CYP27B1: variants seen among roughly 807,000 people sequenced by gnomAD.
CYP27B1 encodes cytochrome P450 family 27 subfamily B member 1, also known as 25-hydroxyvitamin D-1 alpha hydroxylase, mitochondrial.
A neutral mutation model predicts 54.8 loss-of-function variants in CYP27B1; 46 were observed. The observed-to-expected ratio is 0.84, with a 90% CI of 0.66 to 1.07. The LOEUF (loss-of-function observed/expected upper bound fraction) is 1.07. Ranked by LOEUF, CYP27B1 falls within the 50% of genes least tolerant of loss-of-function variation. The probability of loss-of-function intolerance (pLI) is 0.00; values close to 1 mark genes in which losing one functional copy is unlikely to be tolerated. For missense variants in CYP27B1, 674 were observed against 692.2 expected (o/e 0.97, Z 0.30); for synonymous variants, 292 against 297.3 (o/e 0.98, Z 0.18).
rs886049728 is a variant in CYP27B1 at position 57,765,449 on chromosome 12, A to T, written c.437T>A (p.Leu146His). 3.1e-6 allele frequency: 5 copies of T among 1,612,932 alleles called. No individual in the cohort carries two copies. In the South Asian group the frequency reaches 5.5e-5, roughly 18 times the overall value. The stretch of plus-strand genomic sequence containing the variant: ...GTAGCGGGCGGCCGCTTGAGGCCGG[A>T]GGAGGAGCGGGGCCAGGAGACTGCG... ...RLRSLLAPLL[L>H]RPQAAARYAG... The change falls in exon 3 of 9, where the codon CTC (leucine) becomes CAC (histidine). Residue 146 changes from leucine to histidine, a missense_variant. Leu to His is a moderately conservative substitution (Grantham distance 99). Coordinates refer to ENST00000228606, the MANE Select transcript of CYP27B1 (RefSeq NM_000785.4). The surrounding 1 kb of genome is among the most constrained non-coding windows in gnomAD (Gnocchi z 5.8).
Position 57,767,059 on chromosome 12 carries a change from T to C in CYP27B1, c.-18A>G, listed in dbSNP as rs1008590639. 1.2e-6 allele frequency: 2 copies of C among 1,613,296 alleles called. No homozygotes were observed. The highest frequency in any genetic ancestry group is 1.7e-5 in the Admixed American group (1 of 60,022). On this transcript the variant is annotated 5_prime_UTR_variant, in exon 1 of 9. Transcript: ENST00000228606. ...TGGGTCATGGTCTGGTTCAGGGTGC[T>C]CGCGAAAGAAAGCGCTTCTCCTGAG...
rs745757851 is a variant in CYP27B1, at chr12:57,764,511, G to A, written c.1003C>T (p.Arg335Trp). ...AGTGCTGTCTGGACTTCGGGGTGCCGGGAGAGCTCATACAGAGCCCAAGAG... is the reference window on the plus strand; with the variant it reads ...AGTGCTGTCTGGACTTCGGGGTGCCAGGAGAGCTCATACAGAGCCCAAGAG... ...TLSWALYELS[R>W]HPEVQTALHS... Residue 335 changes from arginine (R) to tryptophan (W), a missense_variant, in exon 6 of 9, where the codon CGG becomes TGG. Physicochemically the swap from Arg to Trp is moderately radical, Grantham distance 101. Transcript: ENST00000228606. 6.8e-6 allele frequency: 11 copies of A among 1,613,990 alleles called. No homozygotes were observed. The highest frequency in any genetic ancestry group is 3.3e-5 in the Admixed American group (2 of 60,004).
chr12:57,765,121 G>A lies in CYP27B1; in HGVS notation c.680C>T (p.Ser227Leu). Residue 227 changes from serine to leucine, a missense_variant, in exon 4 of 9, where the codon TCG (serine) becomes TTG (leucine). Ser to Leu is a moderately radical substitution (Grantham distance 145). Coordinates refer to ENST00000228606, the MANE Select transcript of CYP27B1 (RefSeq NM_000785.4). The surrounding 1 kb of genome is among the most constrained non-coding windows in gnomAD (Gnocchi z 5.8). ...GGTCAACAGCGTGGACACAAACACC[G>A]AGCCCACAGCGCGGATGAAGGTCTC... ...DTETFIRAVG[S>L]VFVSTLLTMA... 1 of 1,613,968 alleles carries A rather than the reference G, an allele frequency of 6.2e-7. No individual in the cohort carries two copies. Among genetic ancestry groups the A allele is most frequent in the Non-Finnish European group, 8.5e-7 (1 of 1,180,028 alleles).
rs1242518459 is a variant in CYP27B1 at position 57,762,382 on chromosome 12, A to T, written c.*760T>A. ...TTCTAAAATTTGTGAATATTTAAAAATTTTCAATATAAAAAGCCAGAGGCC... is the reference window on the plus strand; with the variant it reads ...TTCTAAAATTTGTGAATATTTAAAATTTTTCAATATAAAAAGCCAGAGGCC... On this transcript the variant is annotated 3_prime_UTR_variant, in exon 9 of 9. Coordinates refer to ENST00000228606, the MANE Select transcript of CYP27B1 (RefSeq NM_000785.4). 1 of 152,242 alleles carries T rather than the reference A, an allele frequency of 6.6e-6. No individual in the cohort carries two copies. Among genetic ancestry groups the T allele is most frequent in the African/African-American group, 2.4e-5 (1 of 41,464 alleles). The allele number at this position is 152,242 out of a possible 1,614,324, so 9.4% of individuals were successfully genotyped here.
At position 57,765,805 on chromosome 12, in the gene CYP27B1, AG is replaced by A. The variant is rs1336563219; in HGVS notation, c.386+201del. On this transcript the variant is annotated intron_variant, in intron 2 of 8. Coordinates refer to ENST00000228606, the MANE Select transcript of CYP27B1 (RefSeq NM_000785.4). The surrounding 1 kb of genome is among the most constrained non-coding windows in gnomAD (Gnocchi z 5.8). ...CCAGTTCCCAGGATTCGGGCCTCAAAGGATAAGGAGGTAGGCGGGGAGTGAG... is the reference window on the plus strand; with the variant it reads ...CCAGTTCCCAGGATTCGGGCCTCAAAGATAAGGAGGTAGGCGGGGAGTGAG... 1 of 1,077,400 alleles carries A rather than the reference AG, an allele frequency of 9.3e-7. No homozygotes were observed. Among genetic ancestry groups the A allele is most frequent in the East Asian group, 2.6e-5 (1 of 38,276 alleles). 66.7% of individuals were successfully genotyped at this position (1,077,400 alleles called of 1,614,324 possible). A position where few individuals can be genotyped will look rare whatever the true frequency, so the allele number is the denominator to read the frequency against.
In CYP27B1 at chr12:57,763,040, G is replaced by T. The variant is rs1955330934; in HGVS notation, c.*102C>A. 1 of 838,872 alleles carries T rather than the reference G, an allele frequency of 1.2e-6. No individual in the cohort carries two copies. The highest frequency in any genetic ancestry group is 2.0e-6 in the Non-Finnish European group (1 of 499,436). The allele number at this position is 838,872 out of a possible 1,614,324, so 52.0% of individuals were successfully genotyped here. A position where few individuals can be genotyped will look rare whatever the true frequency, so the allele number is the denominator to read the frequency against. ...ATGGTGGTTCTATCCAGTTTGGTCA[G>T]ATAGGCATTAGGGGAAGATGTATAC... On this transcript the variant is annotated 3_prime_UTR_variant, in exon 9 of 9. Transcript: ENST00000228606.
At position 57,764,086 on chromosome 12, in the gene CYP27B1, G is replaced by C. The variant is rs372885773; in HGVS notation, c.1215+12C>G. 86 of 1,601,978 alleles carry C rather than the reference G, an allele frequency of 5.4e-5. No homozygotes were observed. Among genetic ancestry groups the C allele is most frequent in the Non-Finnish European group, 6.7e-5 (78 of 1,169,134 alleles). ...AATGGCTCAGTAGAAAGGGTGCATAGGCTTTACTCACATTTTTGGGGATAA... is the reference window on the plus strand; with the variant it reads ...AATGGCTCAGTAGAAAGGGTGCATACGCTTTACTCACATTTTTGGGGATAA... On this transcript the variant is annotated intron_variant, in intron 7 of 8. Transcript: ENST00000228606.
intron 6 of CYP27B1, 91 bp from the exon 7 acceptor site, chr12:57,764,267 G>A: frequency 6.4e-7 from 1 of 1,564,348 alleles, no homozygotes; most frequent in Non-Finnish European, 8.8e-7. Context: ...ACCCTTTTTG[G>A]CCAGGAGTAG....
rs1300175350 is a variant in CYP27B1, at chr12:57,765,250, C to G, written c.590-39G>C. ...GGCGCCGTCAGGGTTCCGGGAGGCTCTGGTAGGGCGCCCCCGACGCCTGCC... is the reference window on the plus strand; with the variant it reads ...GGCGCCGTCAGGGTTCCGGGAGGCTGTGGTAGGGCGCCCCCGACGCCTGCC... On this transcript the variant is annotated intron_variant, in intron 3 of 8. Coordinates refer to ENST00000228606, the MANE Select transcript of CYP27B1 (RefSeq NM_000785.4). The surrounding 1 kb of genome is among the most constrained non-coding windows in gnomAD (Gnocchi z 5.8). The G allele has an allele frequency of 1.2e-6, 2 of 1,611,542 alleles. No homozygotes were observed. Among genetic ancestry groups the G allele is most frequent in the African/African-American group, 2.7e-5 (2 of 74,908 alleles).
At position 57,765,003 on chromosome 12, in the gene CYP27B1, T is replaced by G; in HGVS notation, c.790+8A>C. 7 of 1,613,848 alleles carry G rather than the reference T, an allele frequency of 4.3e-6. No homozygotes were observed. Among genetic ancestry groups the G allele is most frequent in the Non-Finnish European group, 5.9e-6 (7 of 1,180,030 alleles). On this transcript the variant is annotated splice_region_variant and intron_variant, in intron 4 of 8. Coordinates refer to ENST00000228606, the MANE Select transcript of CYP27B1 (RefSeq NM_000785.4). The surrounding 1 kb of genome is among the most constrained non-coding windows in gnomAD (Gnocchi z 5.8). ...ATTCCCCCATTTCCACCTCGACCTG[T>G]GCCTTACCAAATGCAAACATCTGGT...
rs752594802 is a variant in CYP27B1 at position 57,766,912 on chromosome 12, A to C, written c.130T>G (p.Ser44Ala). Residue 44 changes from serine to alanine, a missense_variant, in exon 1 of 9, where the codon TCT becomes GCT. Physicochemically the swap from Ser to Ala is moderately conservative, Grantham distance 99. Coordinates refer to ENST00000228606, the MANE Select transcript of CYP27B1 (RefSeq NM_000785.4). ...RRSLADIPGPSTPSFLAELFC... is the reference protein window; with the variant it reads ...RRSLADIPGPATPSFLAELFC... ...AGTTCGGCCAGAAAGCTGGGCGTAG[A>C]GGGGCCTGGGATGTCTGCCAAGCTC... is the stretch of plus-strand genomic sequence containing the variant. 3 of 1,613,972 alleles carry C rather than the reference A, an allele frequency of 1.9e-6. No individual in the cohort carries two copies. The African/African-American group carries it at 4.0e-5, about 22-fold the overall frequency.
In CYP27B1 at chr12:57,766,941, C is replaced by A. The variant is rs757388190; in HGVS notation, c.101G>T (p.Arg34Leu). The A allele has an allele frequency of 3.1e-6, 5 of 1,614,172 alleles. No homozygotes were observed. In the Admixed American group the frequency reaches 6.7e-5, roughly 22 times the overall value. ...SLGYREYHSA[R>L]RSLADIPGPS... ...GCCTGGGATGTCTGCCAAGCTCCGG[C>A]GTGCTGAGTGGTACTCTCGGTAGCC... Residue 34 changes from arginine (R) to leucine (L), a missense_variant, in exon 1 of 9, where the codon CGC becomes CTC. Arg to Leu is a moderately radical substitution (Grantham distance 102). Transcript: ENST00000228606.
chr12:57,764,957 G>C (rs373561653), intron 4 of CYP27B1, 31 bp from the exon 5 acceptor site: 2 of 1,614,032 alleles, frequency 1.2e-6, no homozygotes, highest in Admixed American at 1.7e-5. Context: ...TGAATACCTC[G>C]CTACCCCTGG....
At position 57,763,750 on chromosome 12, in the gene CYP27B1, G is replaced by C; in HGVS notation, c.1274C>G (p.Pro425Arg). ...CCAGCGAGCTGGACGAAAAGAATTTGGCTCTGGGAACTGGGCAGGGTCCCT... is the reference window on the plus strand; with the variant it reads ...CCAGCGAGCTGGACGAAAAGAATTTCGCTCTGGGAACTGGGCAGGGTCCCT... ...TSRDPAQFPE[P>R]NSFRPARWLG... Residue 425 changes from proline to arginine, a missense_variant, in exon 8 of 9, where the codon CCA becomes CGA. By Grantham distance (103) the Pro-to-Arg change is moderately radical. Transcript: ENST00000228606. The C allele has an allele frequency of 6.2e-7, 1 of 1,614,194 alleles. No homozygotes were observed. The highest frequency in any genetic ancestry group is 8.5e-7 in the Non-Finnish European group (1 of 1,180,016).
intron 8 of CYP27B1, 116 bp from the exon 9 acceptor site, chr12:57,763,371 G>A (rs1955333976): frequency 1.1e-6 from 1 of 885,762 alleles, no homozygotes; most frequent in Non-Finnish European, 1.9e-6. Flanking sequence ...CAATGATTGG[G>A]TGGCACCTGT....
At chr12:57,766,305 C>T in intron 1 of CYP27B1, 108 bp from the exon 2 acceptor site, 2 of 1,384,244 alleles carry the variant, frequency 1.4e-6, no homozygotes, top group Non-Finnish European at 1.9e-6. Context: ...GGAGCTTCTG[C>T]TCTTTCTCGG....
chr12:57,765,917 C>T lies in CYP27B1; in HGVS notation c.386+90G>A. 1 of 1,451,380 alleles carries T rather than the reference C, an allele frequency of 6.9e-7. No homozygotes were observed. The highest frequency in any genetic ancestry group is 9.0e-7 in the Non-Finnish European group (1 of 1,105,618). 89.9% of individuals were successfully genotyped at this position (1,451,380 alleles called of 1,614,324 possible). On this transcript the variant is annotated intron_variant, in intron 2 of 8. Transcript: ENST00000228606. The surrounding 1 kb of genome is among the most constrained non-coding windows in gnomAD (Gnocchi z 5.8). ...TGGTAGAGTGGGACAGCCGACCTCC[C>T]ACCATGCCCCCAGATTGATAGTTTC...
chr12:57,764,496 G>A lies in CYP27B1; in HGVS notation c.1018C>T (p.Gln340Ter). ...GTGATCTCTGAGTGGAGTGCTGTCT[G>A]GACTTCGGGGTGCCGGGAGAGCTCA... Reference protein sequence around the residue: ...LYELSRHPEVQTALHSEITAA... With the variant: ...LYELSRHPEV The change falls in exon 6 of 9, where the codon CAG becomes TAG. Residue 340 changes from glutamine to a stop codon, truncating the protein, a stop_gained. Transcript: ENST00000228606. LOFTEE classifies it high-confidence loss of function. 3.1e-6 allele frequency: 5 copies of A among 1,614,184 alleles called. No homozygotes were observed. The highest frequency in any genetic ancestry group is 4.2e-6 in the Non-Finnish European group (5 of 1,180,028).
rs1015396851 is a variant in CYP27B1 at position 57,765,596 on chromosome 12, G to A, written c.387-97C>T. 4 of 1,289,164 alleles carry A rather than the reference G, an allele frequency of 3.1e-6. No individual in the cohort carries two copies. Among genetic ancestry groups the A allele is most frequent in the Non-Finnish European group, 4.4e-6 (4 of 907,010 alleles). 79.9% of individuals were successfully genotyped at this position (1,289,164 alleles called of 1,614,324 possible). On this transcript the variant is annotated intron_variant, in intron 2 of 8. Coordinates refer to ENST00000228606, the MANE Select transcript of CYP27B1 (RefSeq NM_000785.4). This position sits in a 1 kb window ranked among gnomAD's most constrained non-coding sequence, Gnocchi z 5.8. ...GCGCGTTCGGCTGCGGTGGCCAGGA[G>A]AGGGATTGCGTCTGCCCCCTTGGGG...
Sources: allele counts gnomAD v4.1 joint callset, GRCh38; gene constraint gnomAD v4.1.1; non-coding constraint Gnocchi (gnomAD v3.1); transcripts MANE v1.5; gene names NCBI Gene and HGNC (gene_info 2026-07-23, HGNC 2026-07-21).